The following ADAP2 variants were observed in gnomAD, a reference collection of about 807,000 sequenced individuals.
The protein encoded by ADAP2 is arf-GAP with dual PH domain-containing protein 2.
Under a neutral mutation model 54.9 loss-of-function variants are expected in ADAP2, and 42 were observed. The ratio of observed to expected loss-of-function variants is 0.77; its 90% CI spans 0.60 to 0.99. The LOEUF (loss-of-function observed/expected upper bound fraction) is 0.99, where lower values mean the gene tolerates loss of function less well. ADAP2 is among the 50% of genes least tolerant of loss of function. The pLI is 0.00. For missense variants in ADAP2, 429 were observed against 480.4 expected (o/e 0.89, Z 1.00); for synonymous variants, 177 against 180.1 (o/e 0.98, Z 0.14).
At position 30,923,033 on chromosome 17, in the gene ADAP2, C is replaced by G. The variant is rs771923291; in HGVS notation, c.188C>G (p.Ser63Cys). Residue 63 changes from serine to cysteine, a missense_variant, in exon 2 of 11, where the codon TCT (serine) becomes TGT (cysteine). Ser to Cys is a moderately radical substitution (Grantham distance 112). Transcript: ENST00000330889. ...RNFPDISRVK[S>C]VRLDFWDDSI... is the part of the protein sequence containing the mutation. ...TTCCCTGACATCAGCAGAGTTAAAT[C>G]TGTGCGACTTGACTTCTGGGACGAC... 3 of 1,613,936 alleles carry G rather than the reference C, an allele frequency of 1.9e-6. No homozygotes were observed. The highest frequency in any genetic ancestry group is 2.5e-6 in the Non-Finnish European group (3 of 1,180,020).
chr17:30,922,997 TC>T lies in ADAP2; in HGVS notation c.154del (p.His52ThrfsTer26). 2 of 1,613,858 alleles carry T rather than the reference TC, an allele frequency of 1.2e-6. No homozygotes were observed. The highest frequency in any genetic ancestry group is 1.7e-6 in the Non-Finnish European group (2 of 1,179,970). ...GIFICLNCCG[V>X]HRNFPDISRV... is the part of the protein sequence containing the mutation. ...TTCATCTGTCTCAACTGCTGCGGCGTCCACCGTAACTTCCCTGACATCAGCA... is the reference window on the plus strand; with the variant it reads ...TTCATCTGTCTCAACTGCTGCGGCGTCACCGTAACTTCCCTGACATCAGCA... On this transcript the variant is annotated frameshift_variant, in exon 2 of 11. Coordinates refer to ENST00000330889, the MANE Select transcript of ADAP2 (RefSeq NM_018404.3). LOFTEE classifies it high-confidence loss of function.
At chr17:30,929,625 G>A (rs1911328296) in intron 3 of ADAP2, among the ~76,000 whole-genome samples, 1 of 152,152 alleles carries the variant, frequency 6.6e-6, no homozygotes, top group Admixed American at 6.5e-5. Context: ...CACCCTCATG[G>A]TGGGCCAGGT....
rs568755182 is a variant in ADAP2 at position 30,931,960 on chromosome 17, C to T, written c.389C>T (p.Ser130Leu). ...TTTATGGCTGATGGGGAAACCATCT[C>T]GCTCCCAGGTAAAGTTATTTCCATC... ...REFMADGETISLPGNREGFLW... is the reference protein window; with the variant it reads ...REFMADGETILLPGNREGFLW... The change falls in exon 4 of 11, where the codon TCG (serine) becomes TTG (leucine). Residue 130 changes from serine to leucine, a missense_variant. Coordinates refer to ENST00000330889, the MANE Select transcript of ADAP2 (RefSeq NM_018404.3). 9 of 1,613,464 alleles carry T rather than the reference C, an allele frequency of 5.6e-6. No homozygotes were observed. The Admixed American group carries it at 6.7e-5, about 12-fold the overall frequency.
chr17:30,940,263 T>C (rs557222769), intron 5 of ADAP2, among the ~76,000 whole-genome samples: 44 of 151,044 alleles, frequency 2.9e-4, no homozygotes, highest in African/African-American at 1.0e-3. Flanking sequence ...ACGCCTGGCC[T>C]TTTTTTTTAC....
At chr17:30,952,955 A>G (rs1904789032) in intron 7 of ADAP2, among the ~76,000 whole-genome samples, 1 of 152,044 alleles carries the variant, frequency 6.6e-6, no homozygotes, top group Admixed American at 6.6e-5. Flanking sequence ...TTGCACCTGG[A>G]GCCTGATGCA....
chr17:30,946,461 T>G (rs188252384), intron 6 of ADAP2, among the ~76,000 whole-genome samples: 4 of 152,212 alleles, frequency 2.6e-5, no homozygotes, highest in African/African-American at 9.6e-5. Flanking sequence ...TCAAGTGATC[T>G]GCCCACCTTG....
At chr17:30,953,422 T>G (rs1312223228) in intron 8 of ADAP2, 72 bp downstream of exon 8, 71 of 1,496,498 alleles carry the variant, frequency 4.7e-5, no homozygotes, top group Non-Finnish European at 4.6e-6. Context: ...GTTTATGGGA[T>G]GATTGTTAAG....
At chr17:30,953,793 T>TC (rs1182314856) in intron 8 of ADAP2, among the ~76,000 whole-genome samples, 1 of 152,058 alleles carries the variant, frequency 6.6e-6, no homozygotes, top group Non-Finnish European at 1.5e-5. Context: ...CACCTCAGCC[T>TC]CCCAAAGTGC....
intron 1 of ADAP2, 45 bp from the exon 2 acceptor site, chr17:30,922,895 C>T (rs1205410723): frequency 6.2e-7 from 1 of 1,601,290 alleles, no homozygotes; most frequent in East Asian, 2.3e-5. Flanking sequence ...CTGGTTTCTT[C>T]ACCGCGCTTT....
intron 10 of ADAP2, chr17:30,956,750 G>GT: frequency 4.3e-6 from 2 of 461,350 alleles, no homozygotes; most frequent in South Asian, 4.7e-5. Flanking sequence ...ACCCCTTGCG[G>GT]TGTGGGGGCT....
chr17:30,938,669 A>T (rs1238389323), intron 5 of ADAP2, among the ~76,000 whole-genome samples: 2 of 152,238 alleles, frequency 1.3e-5, no homozygotes, highest in Non-Finnish European at 2.9e-5. Context: ...TGAGCACTTT[A>T]GCCTTCACCT....
chr17:30,945,625 A>AT (rs1912606998), intron 6 of ADAP2, among the ~76,000 whole-genome samples: 1 of 151,958 alleles, frequency 6.6e-6, no homozygotes, highest in Non-Finnish European at 1.5e-5. Flanking sequence ...GCATGGTGGC[A>AT]TGCACCTGTA....
chr17:30,934,355 G>A (rs896000507), intron 5 of ADAP2, 58 bp downstream of exon 5: 202 of 1,177,720 alleles, frequency 1.7e-4, no homozygotes, highest in Non-Finnish European at 7.7e-5. Context: ...CCCGACTAAG[G>A]TCTACATTCT....
Position 30,956,242 on chromosome 17 carries a change from A to C in ADAP2, c.884A>C (p.Asp295Ala), listed in dbSNP as rs775080689. The C allele has an allele frequency of 6.2e-7, 1 of 1,614,072 alleles. No individual in the cohort carries two copies. Among genetic ancestry groups the C allele is most frequent in the Non-Finnish European group, 8.5e-7 (1 of 1,179,988 alleles). ...TGACCCTGTACTCTCCATTTTCAGG[A>C]TGCCTTCGAGCAGGGCCAGGTTTTT... is the stretch of plus-strand genomic sequence containing the variant. ...RRLLYYKNPLDAFEQGQVFLG... is the reference protein window; with the variant it reads ...RRLLYYKNPLAAFEQGQVFLG... Residue 295 changes from aspartate to alanine, a missense_variant and splice_region_variant, in exon 10 of 11, where the codon GAT (aspartate) becomes GCT (alanine). By Grantham distance (126) the Asp-to-Ala change is moderately radical. Transcript: ENST00000330889.
At chr17:30,949,419 C>T (rs1390276483) in intron 7 of ADAP2, 49 bp downstream of exon 7, 1 of 1,538,132 alleles carries the variant, frequency 6.5e-7, no homozygotes, top group South Asian at 1.1e-5. Flanking sequence ...TGGCCATCTC[C>T]TTCTTTCCCT....
chr17:30,932,150 A>G (rs1204695250), intron 4 of ADAP2, among the ~76,000 whole-genome samples, 182 bp downstream of exon 4: 1 of 150,902 alleles, frequency 6.6e-6, no homozygotes, highest in Non-Finnish European at 1.5e-5. Flanking sequence ...GTGGGGCTTT[A>G]TGCTCTGAGC....
intron 6 of ADAP2, among the ~76,000 whole-genome samples, chr17:30,948,508 T>C (rs1904340407): frequency 6.6e-6 from 1 of 151,900 alleles, no homozygotes; most frequent in Admixed American, 6.6e-5. Context: ...AGGCGGAGGT[T>C]GCAGTGAGCC....
chr17:30,942,742 A>G (rs527659576), intron 5 of ADAP2, among the ~76,000 whole-genome samples: 1 of 152,308 alleles, frequency 6.6e-6, no homozygotes, highest in Non-Finnish European at 1.5e-5. Flanking sequence ...AATGGGCAAA[A>G]GATGTGTACA....
intron 3 of ADAP2, among the ~76,000 whole-genome samples, chr17:30,927,497 C>T (rs1911146502): frequency 6.6e-6 from 1 of 151,924 alleles, no homozygotes; most frequent in Non-Finnish European, 1.5e-5. Flanking sequence ...GCACTGGAGT[C>T]CCAGCTACTT....
Sources: gnomAD v4.1 joint callset for allele counts (sites outside exome capture counted in the v4.1 genomes callset) on GRCh38, gnomAD v4.1.1 for gene constraint, MANE v1.5 for transcripts, NCBI Gene and HGNC (gene_info 2026-07-23, HGNC 2026-07-21) for gene names.